Variants in GNAQ observed in about 807,000 individuals in gnomAD.
The protein encoded by GNAQ is guanine nucleotide-binding protein G(q) subunit alpha.
Under a neutral mutation model 43.9 loss-of-function variants are expected in GNAQ, and 8 were observed. That is an observed-to-expected ratio of 0.18 (90% confidence interval 0.11 to 0.33). The LOEUF (loss-of-function observed/expected upper bound fraction) is 0.33, where lower values mean the gene tolerates loss of function less well. Ranked by LOEUF, GNAQ falls within the 10% of genes least tolerant of loss-of-function variation. The pLI, the probability that GNAQ is intolerant of heterozygous loss-of-function variation, is 1.00. For synonymous variants in GNAQ, 155 were observed against 170.7 expected, an observed-to-expected ratio of 0.91 and a Z score of 0.71; for missense variants, 158 against 450.8, an observed-to-expected ratio of 0.35 and a Z score of 5.88.
In GNAQ at chr9:77,934,742, A is replaced by G. The variant is rs578228069; in HGVS notation, c.137-12397T>C. On this transcript the variant is annotated intron_variant, in intron 1 of 6. Transcript: ENST00000286548. ...AAGACAGAAAGTATCATGGAAAACA[A>G]AAGTTACTGAATCTGCACATGCAGA... 2.0e-5 allele frequency among the ~76,000 whole-genome samples: 3 copies of G among 152,370 alleles called. No homozygotes were observed. In the South Asian group the frequency reaches 6.2e-4, roughly 32 times the overall value.
chr9:77,818,418 A>G (rs1827055940), intron 2 of GNAQ, among the ~76,000 whole-genome samples: 1 of 151,928 alleles, frequency 6.6e-6, no homozygotes, highest in Non-Finnish European at 1.5e-5. Context: ...AACGTTCCCA[A>G]TGGAAATGCA....
chr9:77,899,703 G>A (rs28462979), intron 2 of GNAQ, among the ~76,000 whole-genome samples: 1 of 152,110 alleles, frequency 6.6e-6, no homozygotes, highest in South Asian at 2.1e-4. Context: ...GGTCAGAGGC[G>A]AAAGACAGCA....
chr9:77,922,485 C>G (rs1225541475), intron 1 of GNAQ, 140 bp from the exon 2 acceptor site: 2 of 624,914 alleles, frequency 3.2e-6, no homozygotes, highest in Non-Finnish European at 5.7e-6. Context: ...GAAACACTAC[C>G]TATGGTGAAC....
Position 77,718,730 on chromosome 9 carries a change from T to C in GNAQ, c.*2593A>G. ...GCCTTCAAATGTTGTTGTTTAATTT[T>C]TTTTTTTTTTTTTTTTTTTTTTGCT... On this transcript the variant is annotated 3_prime_UTR_variant, in exon 7 of 7. Coordinates refer to ENST00000286548, the MANE Select transcript of GNAQ (RefSeq NM_002072.5). 5.1e-6 allele frequency: 1 copy of C among 197,918 alleles called. No individual in the cohort carries two copies. The allele number at this position is 197,918 out of a possible 1,614,324, so 12.3% of individuals were successfully genotyped here.
intron 1 of GNAQ, among the ~76,000 whole-genome samples, chr9:78,003,437 AG>A (rs1323790128): frequency 6.6e-6 from 1 of 152,232 alleles, no homozygotes; most frequent in Non-Finnish European, 1.5e-5. Flanking sequence ...AGTGAGGACA[AG>A]GCCACTGATA....
At chr9:77,932,439 AACG>A (rs1829165675) in intron 1 of GNAQ, among the ~76,000 whole-genome samples, 1 of 152,202 alleles carries the variant, frequency 6.6e-6, no homozygotes, top group South Asian at 2.1e-4. Flanking sequence ...TAAAGAATTA[AACG>A]ACAATGAAAT....
intron 5 of GNAQ, among the ~76,000 whole-genome samples, chr9:77,750,658 A>G (rs1825798374): frequency 1.1e-5 from 1 of 89,242 alleles, no homozygotes; most frequent in Admixed American, 1.2e-4. Context: ...CCAGTCATCA[A>G]GCTGGAAAAA....
chr9:77,752,842 T>C (rs1350859069), intron 5 of GNAQ, among the ~76,000 whole-genome samples: 4 of 152,142 alleles, frequency 2.6e-5, no homozygotes, highest in Non-Finnish European at 5.9e-5. Flanking sequence ...ATCCCAGCAC[T>C]CTGGGAGGCC....
At chr9:77,906,579 A>G (rs1039600948) in intron 2 of GNAQ, among the ~76,000 whole-genome samples, 2 of 152,232 alleles carry the variant, frequency 1.3e-5, no homozygotes, top group Non-Finnish European at 2.9e-5. Flanking sequence ...GATTAAAAAA[A>G]ATCACTATTT....
chr9:78,009,896 C>T (rs1823753259), intron 1 of GNAQ, among the ~76,000 whole-genome samples: 1 of 151,990 alleles, frequency 6.6e-6, no homozygotes, highest in Non-Finnish European at 1.5e-5. Context: ...CAGATGACCA[C>T]AGATCAAAAA....
intron 2 of GNAQ, among the ~76,000 whole-genome samples, chr9:77,857,663 G>A (rs963120821): frequency 1.2e-5 from 1 of 82,292 alleles, no homozygotes; most frequent in Non-Finnish European, 3.3e-5. Context: ...AGGGAAGGAG[G>A]GGAAGGAGGG....
chr9:77,952,357 CATA>C (rs71822724), intron 1 of GNAQ, among the ~76,000 whole-genome samples: 31,861 of 151,942 alleles, frequency 0.21, 3,541 homozygotes, highest in South Asian at 0.37. Flanking sequence ...ATGTTGAATC[CATA>C]ATATTAAAAC....
chr9:77,990,601 C>G (rs957107555), intron 1 of GNAQ, among the ~76,000 whole-genome samples: 1 of 152,078 alleles, frequency 6.6e-6, no homozygotes, highest in South Asian at 2.1e-4. Context: ...TCTCAAGAAC[C>G]CTGTGGGGTG....
chr9:77,884,977 G>A (rs1412681508), intron 2 of GNAQ, among the ~76,000 whole-genome samples: 1 of 152,166 alleles, frequency 6.6e-6, no homozygotes, highest in African/African-American at 2.4e-5. Context: ...GTAAAATGGA[G>A]AAAATAATGG....
At chr9:77,922,596 G>A (rs1371474291) in intron 1 of GNAQ, among the ~76,000 whole-genome samples, 1 of 152,088 alleles carries the variant, frequency 6.6e-6, no homozygotes, top group Non-Finnish European at 1.5e-5. Flanking sequence ...AAACCACTCA[G>A]CACTGAATTT....
rs189749952 is a variant in GNAQ at position 77,756,770 on chromosome 9, A to T, written c.736-28103T>A. Among the ~76,000 whole-genome samples, 16 of 152,324 alleles carry T rather than the reference A, an allele frequency of 1.1e-4. No individual in the cohort carries two copies. In the East Asian group the frequency reaches 2.9e-3, roughly 28 times the overall value. ...TTAAGCAAACATTTTACTTAGAAGG[A>T]TATGGTAGCCTCATTTCTCCATGTT... On this transcript the variant is annotated intron_variant, in intron 5 of 6. Transcript: ENST00000286548.
At chr9:78,011,603 AAGG>A (rs1823773371) in intron 1 of GNAQ, among the ~76,000 whole-genome samples, 1 of 152,250 alleles carries the variant, frequency 6.6e-6, no homozygotes, top group Non-Finnish European at 1.5e-5. Flanking sequence ...GAAAGGAAAT[AAGG>A]AGAAAAAACA....
At chr9:77,897,671 T>C (rs894412063) in intron 2 of GNAQ, among the ~76,000 whole-genome samples, 1 of 152,144 alleles carries the variant, frequency 6.6e-6, no homozygotes, top group Non-Finnish European at 1.5e-5. Flanking sequence ...GTCTCCTTCT[T>C]ATGCTCCTGG....
At chr9:77,760,856 A>G (rs1471469989) in intron 5 of GNAQ, among the ~76,000 whole-genome samples, 3 of 140,876 alleles carry the variant, frequency 2.1e-5, no homozygotes, top group African/African-American at 8.1e-5. Flanking sequence ...CCTTTGCGCC[A>G]CCGCCCCGTC....
Sources: gnomAD v4.1 joint callset for allele counts (sites outside exome capture counted in the v4.1 genomes callset) on GRCh38, gnomAD v4.1.1 for gene constraint, MANE v1.5 for transcripts, NCBI Gene and HGNC (gene_info 2026-07-23, HGNC 2026-07-21) for gene names.